The following LOC112694756 variants were observed in gnomAD, a reference collection of about 807,000 sequenced individuals.
the LOC112694756 span, chr16:30,070,180 G>A: frequency 9.9e-6 from 16 of 1,614,024 alleles, no homozygotes; most frequent in Non-Finnish European, 1.2e-5. Context: ...TGCTGCCAGC[G>A]AGTCCCTCTT....
At chr16:30,059,002 A>G in the LOC112694756 span, 16 of 398,554 alleles carry the variant, frequency 4.0e-5, no homozygotes, top group East Asian at 5.3e-4. Context: ...AGGGTGAGAA[A>G]TGACGTGCTA....
the LOC112694756 span, among the ~76,000 whole-genome samples, chr16:30,057,597 C>T: frequency 6.6e-6 from 1 of 152,146 alleles, no homozygotes; most frequent in Non-Finnish European, 1.5e-5. Context: ...AAATTCATAA[C>T]TTGGGCATAT....
the LOC112694756 span, among the ~76,000 whole-genome samples, chr16:30,061,548 CTTTTTTTTTTTT>C: frequency 4.0e-4 from 26 of 65,566 alleles, no homozygotes; most frequent in African/African-American, 5.3e-4. Context: ...CCTCCATTTC[CTTTTTTTTTTTT>C]TTTTTTTTTT....
chr16:30,069,523 C>A, the LOC112694756 span: 1 of 1,614,116 alleles, frequency 6.2e-7, no homozygotes, highest in Admixed American at 1.7e-5. Flanking sequence ...CTACAAGGCT[C>A]TGAGTGACCA....
At chr16:30,064,026 C>A in the LOC112694756 span, 1 of 398,820 alleles carries the variant, frequency 2.5e-6, no homozygotes, top group Non-Finnish European at 4.4e-6. Flanking sequence ...GCCGGCTGGA[C>A]GGCAGCTCCT....
chr16:30,066,848 T>C, the LOC112694756 span: 1 of 1,533,868 alleles, frequency 6.5e-7, no homozygotes, highest in Non-Finnish European at 8.8e-7. Context: ...TCACGATCTT[T>C]ACATTCTAAA....
At chr16:30,068,156 C>T in the LOC112694756 span, 9 of 267,672 alleles carry the variant, frequency 3.4e-5, no homozygotes, top group Non-Finnish European at 7.3e-6. Context: ...GTTCCGCCTC[C>T]CAGGTTCACG....
the LOC112694756 span, chr16:30,063,924 C>G: frequency 2.5e-6 from 1 of 399,112 alleles, no homozygotes; most frequent in Non-Finnish European, 4.4e-6. Context: ...TTTCCCCACG[C>G]CACTGGAACC....
chr16:30,064,136 G>A, the LOC112694756 span: 4 of 398,760 alleles, frequency 1.0e-5, no homozygotes, highest in African/African-American at 4.1e-5. Flanking sequence ...GGGCAGGGGG[G>A]TGGCGCTGCT....
chr16:30,064,135 G>A, the LOC112694756 span: 8 of 395,748 alleles, frequency 2.0e-5, no homozygotes, highest in African/African-American at 1.6e-4. Context: ...TGGGCAGGGG[G>A]GTGGCGCTGC....
the LOC112694756 span, chr16:30,058,950 T>C: frequency 9.8e-5 from 39 of 398,404 alleles, no homozygotes; most frequent in Non-Finnish European, 1.4e-4. Context: ...GGGCTTCCAT[T>C]CTGGTGATGG....
the LOC112694756 span, chr16:30,070,359 G>A: frequency 2.7e-6 from 2 of 732,178 alleles, no homozygotes; most frequent in Non-Finnish European, 4.8e-6. Context: ...GTCTGTGAAT[G>A]CTAAGTCCAT....
chr16:30,058,915 G>A, the LOC112694756 span: 5 of 398,364 alleles, frequency 1.3e-5, no homozygotes, highest in Admixed American at 1.8e-4. Flanking sequence ...GCAGAAACAA[G>A]ATGGAGAAGG....
chr16:30,063,833 G>C, the LOC112694756 span: 3 of 399,190 alleles, frequency 7.5e-6, no homozygotes. Flanking sequence ...TCGAGATCAA[G>C]CTCCGATGAG....
the LOC112694756 span, among the ~76,000 whole-genome samples, chr16:30,063,174 G>A: frequency 4.0e-5 from 6 of 151,848 alleles, no homozygotes; most frequent in Non-Finnish European, 8.8e-5. Context: ...TAGGTAAATT[G>A]CCATTTTCAA....
chr16:30,058,874 T>C, the LOC112694756 span: 1 of 397,384 alleles, frequency 2.5e-6, no homozygotes, highest in South Asian at 1.3e-4. Context: ...GGAGTTACTG[T>C]TGAGGCACTG....
chr16:30,055,820 G>A, the LOC112694756 span, among the ~76,000 whole-genome samples: 1 of 151,516 alleles, frequency 6.6e-6, no homozygotes, highest in Non-Finnish European at 1.5e-5. Flanking sequence ...TGTTGTTTGA[G>A]ACAGGGTTTC....
the LOC112694756 span, chr16:30,070,319 T>C: frequency 9.7e-7 from 1 of 1,034,980 alleles, no homozygotes; most frequent in Non-Finnish European, 1.5e-6. Context: ...CCGCGCTCTT[T>C]CTTCCCTCGT....
the LOC112694756 span, among the ~76,000 whole-genome samples, chr16:30,062,205 A>AAAAC: frequency 2.0e-5 from 3 of 151,730 alleles, no homozygotes; most frequent in Non-Finnish European, 4.4e-5. Flanking sequence ...TCCGTTTGAA[A>AAAAC]AAACAAACAA....
Sources: gnomAD v4.1 joint callset for allele counts (sites outside exome capture counted in the v4.1 genomes callset) on GRCh38, gnomAD v4.1.1 for gene constraint, MANE v1.5 for transcripts.